Variants in ISM1 observed in about 807,000 individuals in gnomAD.
The protein encoded by ISM1 is isthmin-1.
In ISM1, 25 loss-of-function variants were observed where a neutral mutation model predicts 46.3. The observed-to-expected ratio is 0.54, with a 90% CI of 0.39 to 0.75. ISM1 has a LOEUF of 0.75. ISM1 is among the 30% of genes least tolerant of loss of function. The pLI, the probability that ISM1 is intolerant of heterozygous loss-of-function variation, is 0.00. For missense variants in ISM1, 536 were observed against 625.4 expected (o/e 0.86, Z 1.52); for synonymous variants, 255 against 256.7 (o/e 0.99, Z 0.06).
At position 13,224,988 on chromosome 20, in the gene ISM1, G is replaced by A. The variant is rs927328106; in HGVS notation, c.138+3074G>A. Among the ~76,000 whole-genome samples the A allele has an allele frequency of 2.4e-4, 36 of 151,264 alleles. 1 individual carries two copies. The highest frequency in any genetic ancestry group is 5.9e-5 in the Non-Finnish European group (4 of 67,814). On this transcript the variant is annotated intron_variant, in intron 1 of 5. Coordinates refer to ENST00000262487, the MANE Select transcript of ISM1 (RefSeq NM_080826.2). Reference sequence around the variant, plus strand: ...AGCCTCCCAAGTAGCTGGGACTACAGGCGCCTGCCACCACGCCCGGCTAAT... The same window carrying A: ...AGCCTCCCAAGTAGCTGGGACTACAAGCGCCTGCCACCACGCCCGGCTAAT...
the ISM1 span, among the ~76,000 whole-genome samples, chr20:13,323,079 T>C: frequency 6.6e-6 from 1 of 151,904 alleles, no homozygotes; most frequent in Non-Finnish European, 1.5e-5. Flanking sequence ...AGGCATTGTG[T>C]CACAGCGTCT....
Position 13,270,527 on chromosome 20 carries a change from C to A in ISM1, c.162C>A (p.Asp54Glu). The A allele has an allele frequency of 6.2e-7, 1 of 1,613,482 alleles. No individual in the cohort carries two copies. Among genetic ancestry groups the A allele is most frequent in the East Asian group, 2.2e-5 (1 of 44,870 alleles). Residue 54 changes from aspartate to glutamate, a missense_variant, in exon 2 of 6, where the codon GAC becomes GAA. This residue lies in a region of ISM1 where 367 missense variants were observed against 376.1 expected (regional missense o/e 0.98). Coordinates refer to ENST00000262487, the MANE Select transcript of ISM1 (RefSeq NM_080826.2). Reference protein sequence around the residue: ...QLQNNLNVGSDTTSETSFSLS... With the variant: ...QLQNNLNVGSETTSETSFSLS... Reference sequence around the variant, plus strand: ...AGAATAACCTCAACGTGGGAAGTGACACCACATCAGAAACCAGCTTTTCTC... The same window carrying A: ...AGAATAACCTCAACGTGGGAAGTGAAACCACATCAGAAACCAGCTTTTCTC...
At chr20:13,323,281 A>T in the ISM1 span, among the ~76,000 whole-genome samples, 1 of 152,220 alleles carries the variant, frequency 6.6e-6, no homozygotes, top group African/African-American at 2.4e-5. Context: ...GCTTGAGAAG[A>T]CTAGGGACTG....
intron 3 of ISM1, among the ~76,000 whole-genome samples, chr20:13,283,832 T>C (rs948474191): frequency 1.3e-5 from 2 of 152,252 alleles, no homozygotes; most frequent in Non-Finnish European, 1.5e-5. Context: ...GTCATAACCC[T>C]ATTTTAATAG....
intron 3 of ISM1, among the ~76,000 whole-genome samples, chr20:13,281,406 C>T (rs546146431): frequency 7.2e-5 from 11 of 152,286 alleles, no homozygotes; most frequent in Non-Finnish European, 1.2e-4. Flanking sequence ...AGAGGAAAGA[C>T]GGGATAATAG....
chr20:13,223,209 A>G (rs973199145), intron 1 of ISM1, among the ~76,000 whole-genome samples: 24 of 151,482 alleles, frequency 1.6e-4, no homozygotes, highest in Non-Finnish European at 2.9e-4. Context: ...ATAAATAAAT[A>G]AAATGAAATA....
At chr20:13,311,806 G>A in the ISM1 span, among the ~76,000 whole-genome samples, 4 of 152,138 alleles carry the variant, frequency 2.6e-5, no homozygotes, top group Non-Finnish European at 5.9e-5. Context: ...GTGTGGAAAG[G>A]GGAAATGTTA....
intron 3 of ISM1, among the ~76,000 whole-genome samples, chr20:13,285,841 T>C (rs563420339): frequency 6.6e-6 from 1 of 152,310 alleles, no homozygotes; most frequent in East Asian, 1.9e-4. Flanking sequence ...CTAAAATACA[T>C]AGTTTAATGC....
chr20:13,242,092 A>T (rs118029791), intron 1 of ISM1, among the ~76,000 whole-genome samples: 1,535 of 152,290 alleles, frequency 0.01, 10 homozygotes, highest in Non-Finnish European at 0.016. Flanking sequence ...AAAAGAATGG[A>T]AAGTGTCTTT....
chr20:13,321,275 A>AAAAAAAAAAAAAAAAAAAAAAAT, the ISM1 span, among the ~76,000 whole-genome samples: 2 of 150,522 alleles, frequency 1.3e-5, no homozygotes, highest in African/African-American at 2.4e-5. Flanking sequence ...AAAAAAAAAA[A>AAAAAAAAAAAAAAAAAAAAAAAT]AGATTTTATG....
intron 4 of ISM1, 30 bp downstream of exon 4, chr20:13,288,713 T>A (rs745360827): frequency 6.3e-7 from 1 of 1,588,972 alleles, no homozygotes; most frequent in Non-Finnish European, 8.6e-7. Context: ...TAGCTCCAAG[T>A]TCAAGGGGAA....
chr20:13,323,135 T>C, the ISM1 span, among the ~76,000 whole-genome samples: 1 of 152,098 alleles, frequency 6.6e-6, no homozygotes, highest in Admixed American at 6.5e-5. Flanking sequence ...CAACATGGAA[T>C]AGGGAGGGCA....
At chr20:13,239,792 G>A (rs1392769463) in intron 1 of ISM1, 5 of 152,184 alleles carry the variant, frequency 3.3e-5, no homozygotes, top group Non-Finnish European at 7.4e-5. Flanking sequence ...TCTAAAACCT[G>A]GAGAAATTAA....
chr20:13,255,953 T>C (rs1054056055), intron 1 of ISM1, among the ~76,000 whole-genome samples: 1 of 151,744 alleles, frequency 6.6e-6, no homozygotes, highest in African/African-American at 2.4e-5. Flanking sequence ...ACTGCAGTTA[T>C]AAAGAGGGAA....
Position 13,288,563 on chromosome 20 carries a change from T to C in ISM1, c.667T>C (p.Trp223Arg). Residue 223 changes from tryptophan to arginine, a missense_variant, in exon 4 of 6, where the codon TGG becomes CGG. Around this residue, in one of 2 missense-constraint regions of ISM1, gnomAD observed 367 missense variants for 376.1 expected, o/e 0.98. Coordinates refer to ENST00000262487, the MANE Select transcript of ISM1 (RefSeq NM_080826.2). ...AGATTCCACAGATGGCGAGGGTGAC[T>C]GGAGTCTCTGGTCTGTCTGCAGCGT... ...EYDSTDGEGDWSLWSVCSVTC... is the reference protein window; with the variant it reads ...EYDSTDGEGDRSLWSVCSVTC... 1 of 1,613,930 alleles carries C rather than the reference T, an allele frequency of 6.2e-7. No homozygotes were observed.
chr20:13,247,161 G>A (rs1377916565), intron 1 of ISM1, among the ~76,000 whole-genome samples: 2 of 152,060 alleles, frequency 1.3e-5, no homozygotes, highest in African/African-American at 4.8e-5. Flanking sequence ...AACCTGGGAG[G>A]CAGAGGTTTC....
intron 5 of ISM1, among the ~76,000 whole-genome samples, chr20:13,294,916 C>T (rs2040391913): frequency 6.6e-6 from 1 of 152,124 alleles, no homozygotes; most frequent in East Asian, 1.9e-4. Flanking sequence ...CTGAAAGTTG[C>T]GTTGCAATTC....
In ISM1 at chr20:13,299,581, T is replaced by G; in HGVS notation, c.*122T>G. 1 of 932,514 alleles carries G rather than the reference T, an allele frequency of 1.1e-6. No homozygotes were observed. Among genetic ancestry groups the G allele is most frequent in the South Asian group, 1.6e-5 (1 of 61,104 alleles). 57.8% of individuals were successfully genotyped at this position (932,514 alleles called of 1,614,324 possible). On this transcript the variant is annotated 3_prime_UTR_variant, in exon 6 of 6. Transcript: ENST00000262487. This position sits in a 1 kb window ranked among gnomAD's most constrained non-coding sequence, Gnocchi z 5.8. ...GTCGTGTATATTTGTATATACCACA[T>G]GAGTATTTCTCATACATTACGCTAG...
intron 2 of ISM1, among the ~76,000 whole-genome samples, chr20:13,272,503 A>G (rs1185982061): frequency 6.6e-6 from 1 of 152,250 alleles, no homozygotes; most frequent in Non-Finnish European, 1.5e-5. Context: ...GAGGAGGAAA[A>G]GCACTGTGTC....
Sources: gnomAD v4.1 joint callset for allele counts (sites outside exome capture counted in the v4.1 genomes callset) on GRCh38, gnomAD v4.1.1 for gene constraint, gnomAD v4.1.1 regional missense constraint, Gnocchi (gnomAD v3.1) non-coding constraint, MANE v1.5 for transcripts, NCBI Gene and HGNC (gene_info 2026-07-23, HGNC 2026-07-21) for gene names.